Variants in PCDH9 observed in about 807,000 individuals in gnomAD.
PCDH9 encodes protocadherin-9.
PCDH9 carries 24 observed loss-of-function variants against 70.6 expected under a neutral mutation model. That is an observed-to-expected ratio of 0.34 (90% confidence interval 0.25 to 0.48). The LOEUF (loss-of-function observed/expected upper bound fraction) is 0.48. Ranked by LOEUF, PCDH9 falls within the 20% of genes least tolerant of loss-of-function variation. The pLI is 0.99. For missense variants in PCDH9, 1,281 were observed against 1,503.6 expected, an observed-to-expected ratio of 0.85 and a Z score of 2.45; for synonymous variants, 562 against 558.5, an observed-to-expected ratio of 1.01 and a Z score of -0.09.
At chr13:66,507,698 T>G (rs1043157026) in intron 4 of PCDH9, among the ~76,000 whole-genome samples, 11 of 149,568 alleles carry the variant, frequency 7.4e-5, no homozygotes, top group Admixed American at 3.3e-4. Context: ...TTCCTTTCTT[T>G]TTTGTTTGTT....
At chr13:66,579,250 A>G (rs1314676997) in intron 4 of PCDH9, among the ~76,000 whole-genome samples, 2 of 152,136 alleles carry the variant, frequency 1.3e-5, no homozygotes, top group Non-Finnish European at 2.9e-5. Flanking sequence ...CAACTAAAAT[A>G]TAAATATATA....
intron 4 of PCDH9, among the ~76,000 whole-genome samples, chr13:66,338,779 A>T (rs1486922349): frequency 6.6e-6 from 1 of 152,044 alleles, no homozygotes; most frequent in Admixed American, 6.6e-5. Context: ...TTAATTCTAG[A>T]AATCTATCTC....
chr13:66,717,320 C>A (rs2078877749), intron 3 of PCDH9, among the ~76,000 whole-genome samples: 1 of 150,726 alleles, frequency 6.6e-6, no homozygotes, highest in South Asian at 2.1e-4. Flanking sequence ...GGTGTAGTGG[C>A]TAGTGCCTAT....
chr13:66,501,288 A>T (rs1015718604), intron 4 of PCDH9, among the ~76,000 whole-genome samples: 2 of 152,076 alleles, frequency 1.3e-5, no homozygotes, highest in Admixed American at 1.3e-4. Context: ...AGACTCATGA[A>T]CATCACTGTT....
chr13:67,156,674 G>T (rs2087822168), intron 2 of PCDH9, among the ~76,000 whole-genome samples: 1 of 152,202 alleles, frequency 6.6e-6, no homozygotes. Flanking sequence ...GAAACCCCGG[G>T]ATACAGAAAG....
At chr13:66,896,045 A>G (rs946848124) in intron 3 of PCDH9, among the ~76,000 whole-genome samples, 1 of 152,200 alleles carries the variant, frequency 6.6e-6, no homozygotes, top group Non-Finnish European at 1.5e-5. Context: ...CAAGCCTGCG[A>G]CCAACACTGA....
chr13:67,123,983 A>G (rs2086926495), intron 2 of PCDH9, among the ~76,000 whole-genome samples: 1 of 152,068 alleles, frequency 6.6e-6, no homozygotes, highest in Admixed American at 6.6e-5. Context: ...AGAGTTAAAG[A>G]AAGAATAACA....
intron 2 of PCDH9, among the ~76,000 whole-genome samples, chr13:67,004,425 G>C (rs1435025749): frequency 6.6e-6 from 1 of 151,784 alleles, no homozygotes; most frequent in African/African-American, 2.4e-5. Context: ...CCAAAAATTA[G>C]CCAGGCATGG....
intron 2 of PCDH9, among the ~76,000 whole-genome samples, chr13:67,105,429 C>G (rs563197225): frequency 2.6e-4 from 39 of 152,140 alleles, no homozygotes; most frequent in African/African-American, 9.2e-4. Context: ...CTCTAGATTA[C>G]TGGAAAAGAA....
At chr13:66,802,904 T>C (rs2080349506) in intron 3 of PCDH9, among the ~76,000 whole-genome samples, 1 of 152,098 alleles carries the variant, frequency 6.6e-6, no homozygotes, top group Non-Finnish European at 1.5e-5. Flanking sequence ...TAAGGGAACA[T>C]TTTTCTCCCA....
intron 4 of PCDH9, among the ~76,000 whole-genome samples, chr13:66,328,025 A>G (rs970131670): frequency 6.6e-6 from 1 of 152,218 alleles, no homozygotes; most frequent in Non-Finnish European, 1.5e-5. Context: ...TGTTGAAAAC[A>G]TAAATAAAAT....
At chr13:66,406,289 C>A (rs973183390) in intron 4 of PCDH9, among the ~76,000 whole-genome samples, 6 of 152,096 alleles carry the variant, frequency 3.9e-5, no homozygotes, top group African/African-American at 1.4e-4. Context: ...TAGACTCTTG[C>A]CCTAAGCCCC....
At chr13:66,372,689 C>T (rs753945959) in intron 4 of PCDH9, among the ~76,000 whole-genome samples, 32 of 151,508 alleles carry the variant, frequency 2.1e-4, no homozygotes, top group Admixed American at 6.6e-4. Flanking sequence ...CAAGACAAGC[C>T]CCTAAGCACA....
intron 3 of PCDH9, among the ~76,000 whole-genome samples, chr13:66,731,550 AAT>A (rs2079080164): frequency 6.7e-6 from 1 of 149,522 alleles, no homozygotes; most frequent in South Asian, 2.1e-4. Flanking sequence ...TAAGTTTACA[AAT>A]ATGTTTCCCA....
At chr13:66,526,547 C>T (rs970428431) in intron 4 of PCDH9, among the ~76,000 whole-genome samples, 1 of 152,024 alleles carries the variant, frequency 6.6e-6, no homozygotes, top group Non-Finnish European at 1.5e-5. Context: ...CTGTCTCTCT[C>T]TGGAGTGCAT....
At position 66,311,360 on chromosome 13, in the gene PCDH9, C is replaced by G. The variant is rs550314363; in HGVS notation, c.3341-6332G>C. Among the ~76,000 whole-genome samples, 3 of 81,660 alleles carry G rather than the reference C, an allele frequency of 3.7e-5. No individual in the cohort carries two copies. In the South Asian group the frequency reaches 1.3e-3, roughly 35 times the overall value. The allele number at this position is 81,660 out of a possible 152,430, so 53.6% of individuals were successfully genotyped here. On this transcript the variant is annotated intron_variant, in intron 4 of 4. Coordinates refer to ENST00000377865, the MANE Select transcript of PCDH9 (RefSeq NM_203487.3). ...TTTCTCTCTCTCTCTCTCTTTCTCTCTCTCTCTGTGTGTGTGTGTGTGTGT... is the reference window on the plus strand; with the variant it reads ...TTTCTCTCTCTCTCTCTCTTTCTCTGTCTCTCTGTGTGTGTGTGTGTGTGT...
chr13:66,449,224 A>C (rs1958158391), intron 4 of PCDH9, among the ~76,000 whole-genome samples: 1 of 152,164 alleles, frequency 6.6e-6, no homozygotes, highest in African/African-American at 2.4e-5. Context: ...AGCCAGGAGA[A>C]GGCCTTCAGA....
intron 3 of PCDH9, among the ~76,000 whole-genome samples, chr13:66,759,121 T>C (rs1228128896): frequency 6.6e-6 from 1 of 152,084 alleles, no homozygotes; most frequent in African/African-American, 2.4e-5. Context: ...TATCTTTTTC[T>C]CTGATCTTTA....
chr13:66,647,528 C>CT (rs970636539), intron 3 of PCDH9, among the ~76,000 whole-genome samples: 11 of 151,352 alleles, frequency 7.3e-5, no homozygotes, highest in African/African-American at 2.2e-4. Context: ...CCCTTGGGTC[C>CT]TGAATAATCA....
Sources: allele counts gnomAD v4.1 joint callset (sites outside exome capture counted in the v4.1 genomes callset), GRCh38; gene constraint gnomAD v4.1.1; transcripts MANE v1.5; gene names NCBI Gene and HGNC (gene_info 2026-07-23, HGNC 2026-07-21).